Variants in PLCB1 observed in about 807,000 individuals in gnomAD.
PLCB1 encodes phospholipase C beta 1, also known as 1-phosphatidylinositol 4,5-bisphosphate phosphodiesterase beta-1.
In PLCB1, 46 loss-of-function variants were observed where a neutral mutation model predicts 161.8. The observed-to-expected ratio is 0.28, with a 90% confidence interval of 0.22 to 0.36. PLCB1 has a LOEUF of 0.36. Ranked by LOEUF, PLCB1 falls within the 10% of genes least tolerant of loss-of-function variation. The pLI is 1.00. For missense variants in PLCB1, 1,016 were observed against 1,472.5 expected, an observed-to-expected ratio of 0.69 and a Z score of 5.07; for synonymous variants, 517 against 503.7, an observed-to-expected ratio of 1.03 and a Z score of -0.35.
At chr20:8,180,138 G>A (rs563116113) in intron 2 of PLCB1, among the ~76,000 whole-genome samples, 4 of 152,100 alleles carry the variant, frequency 2.6e-5, no homozygotes, top group South Asian at 4.2e-4. Context: ...GATTACAGGC[G>A]TGAGCCACCG....
At chr20:8,280,074 G>A (rs1350720085) in intron 2 of PLCB1, among the ~76,000 whole-genome samples, 1 of 152,124 alleles carries the variant, frequency 6.6e-6, no homozygotes, top group African/African-American at 2.4e-5. Flanking sequence ...GGTGGCTCAC[G>A]CCTGTAATCC....
At chr20:8,172,296 A>G (rs539553840) in intron 2 of PLCB1, among the ~76,000 whole-genome samples, 1 of 152,308 alleles carries the variant, frequency 6.6e-6, no homozygotes, top group East Asian at 1.9e-4. Flanking sequence ...TACTCAAGAA[A>G]GGAATCTCTG....
At chr20:8,549,564 G>A (rs1378778447) in intron 3 of PLCB1, among the ~76,000 whole-genome samples, 2 of 152,116 alleles carry the variant, frequency 1.3e-5, no homozygotes, top group African/African-American at 4.8e-5. Flanking sequence ...TGTTGTTCTC[G>A]TGATAGCGAA....
At chr20:8,225,616 A>G (rs1437690972) in intron 2 of PLCB1, among the ~76,000 whole-genome samples, 4 of 152,204 alleles carry the variant, frequency 2.6e-5, no homozygotes, top group Admixed American at 6.5e-5. Flanking sequence ...TATAGAGTCT[A>G]CTTTCTGCTA....
At chr20:8,263,178 C>CAA in intron 2 of PLCB1, among the ~76,000 whole-genome samples, 1 of 150,858 alleles carries the variant, frequency 6.6e-6, no homozygotes, top group East Asian at 1.9e-4. Context: ...TCTATAGTAC[C>CAA]AAAAAAAAAT....
chr20:8,385,436 A>C (rs1987396555), intron 3 of PLCB1, among the ~76,000 whole-genome samples: 1 of 152,206 alleles, frequency 6.6e-6, no homozygotes, highest in Admixed American at 6.5e-5. Flanking sequence ...TTCCCCACCC[A>C]GGGAGCTTAG....
At chr20:8,744,884 A>G (rs969630390) in intron 23 of PLCB1, among the ~76,000 whole-genome samples, 1 of 152,114 alleles carries the variant, frequency 6.6e-6, no homozygotes, top group Non-Finnish European at 1.5e-5. Flanking sequence ...TTATCTTTGC[A>G]CCATCAAAAA....
intron 9 of PLCB1, among the ~76,000 whole-genome samples, chr20:8,677,855 G>C (rs932156281): frequency 1.3e-5 from 2 of 152,124 alleles, no homozygotes; most frequent in Non-Finnish European, 2.9e-5. Context: ...ATTCATGAAT[G>C]CTTTCTCTGG....
At chr20:8,258,629 AATT>A (rs1251687771) in intron 2 of PLCB1, among the ~76,000 whole-genome samples, 1 of 152,202 alleles carries the variant, frequency 6.6e-6, no homozygotes, top group African/African-American at 2.4e-5. Flanking sequence ...GATTAATAAT[AATT>A]ACTTCTGAAG....
intron 3 of PLCB1, among the ~76,000 whole-genome samples, chr20:8,540,349 C>A (rs1568499838): frequency 6.6e-6 from 1 of 152,138 alleles, no homozygotes; most frequent in Non-Finnish European, 1.5e-5. Context: ...ATCAGAACAT[C>A]TTTCCTCTCA....
At chr20:8,641,042 G>T (rs1988940384) in intron 4 of PLCB1, among the ~76,000 whole-genome samples, 1 of 151,966 alleles carries the variant, frequency 6.6e-6, no homozygotes, top group Non-Finnish European at 1.5e-5. Context: ...TCACTTACCT[G>T]AAAAAAAGAT....
chr20:8,269,076 A>C lies in PLCB1; in HGVS notation c.178-102306A>C, dbSNP rs2743177. On this transcript the variant is annotated intron_variant, in intron 2 of 31. Coordinates refer to ENST00000338037, the MANE Select transcript of PLCB1 (RefSeq NM_015192.4). ...TATTGATCCTGAGAATTTATGAAGA[A>C]CTTTTTTTAAATAATTTTTTTATTA... 4.2e-4 allele frequency among the ~76,000 whole-genome samples: 64 copies of C among 152,094 alleles called. No homozygotes were observed. In the Middle Eastern group the frequency reaches 0.01, roughly 24 times the overall value.
chr20:8,333,749 T>C (rs565736377), intron 2 of PLCB1, among the ~76,000 whole-genome samples: 1 of 152,350 alleles, frequency 6.6e-6, no homozygotes, highest in South Asian at 2.1e-4. Context: ...TACTGCATTC[T>C]TGTGACATGT....
intron 2 of PLCB1, among the ~76,000 whole-genome samples, chr20:8,270,007 C>T (rs1387344139): frequency 6.6e-6 from 1 of 152,038 alleles, no homozygotes; most frequent in African/African-American, 2.4e-5. Flanking sequence ...TTTCTTGGTA[C>T]TGCATCAGTG....
intron 21 of PLCB1, 125 bp from the exon 22 acceptor site, chr20:8,740,218 GA>G (rs1233516043): frequency 1.7e-6 from 1 of 602,350 alleles, no homozygotes; most frequent in Admixed American, 3.5e-5. Context: ...TTATTAAAAT[GA>G]AAAAAGTGAT....
At chr20:8,738,935 A>C (rs1008311471) in intron 20 of PLCB1, among the ~76,000 whole-genome samples, 3 of 152,140 alleles carry the variant, frequency 2.0e-5, no homozygotes, top group Non-Finnish European at 2.9e-5. Context: ...GGATCACCTG[A>C]GGTCGGGAGT....
chr20:8,463,520 A>G (rs1333862329), intron 3 of PLCB1, among the ~76,000 whole-genome samples: 1 of 152,296 alleles, frequency 6.6e-6, no homozygotes, highest in East Asian at 1.9e-4. Context: ...ATGTATTCTT[A>G]TGAAACTTCA....
chr20:8,739,239 G>A, intron 20 of PLCB1, 22 bp from the exon 21 acceptor site: 1 of 1,329,376 alleles, frequency 7.5e-7, no homozygotes, highest in Non-Finnish European at 1.1e-6. Flanking sequence ...ATAACCAGGT[G>A]TGTCCTTAAT....
intron 9 of PLCB1, among the ~76,000 whole-genome samples, chr20:8,664,574 T>G (rs1476167832): frequency 6.6e-6 from 1 of 152,100 alleles, no homozygotes; most frequent in Non-Finnish European, 1.5e-5. Flanking sequence ...CTTGGGAAAC[T>G]TGAAAACTGT....
Sources: allele counts gnomAD v4.1 joint callset (sites outside exome capture counted in the v4.1 genomes callset), GRCh38; gene constraint gnomAD v4.1.1; transcripts MANE v1.5; gene names NCBI Gene and HGNC (gene_info 2026-07-23, HGNC 2026-07-21).